Variants in ITGAV observed in about 807,000 individuals in gnomAD.
ITGAV encodes the protein integrin subunit alpha V, also known as integrin alpha-V.
Under a neutral mutation model 143.8 loss-of-function variants are expected in ITGAV, and 76 were observed. That is an observed-to-expected ratio of 0.53 (90% CI 0.44 to 0.64). The LOEUF (loss-of-function observed/expected upper bound fraction) is 0.64, where lower values mean the gene tolerates loss of function less well. Among genes scored for constraint, ITGAV ranks in the 30% least tolerant of loss-of-function variants. ITGAV has a pLI of 0.00. For missense variants in ITGAV, 1,193 were observed against 1,274.7 expected, an observed-to-expected ratio of 0.94 and a Z score of 0.98; for synonymous variants, 453 against 446.7, an observed-to-expected ratio of 1.01 and a Z score of -0.18.
chr2:186,667,917 A>T, intron 24 of ITGAV, 141 bp downstream of exon 24: 1 of 414,990 alleles, frequency 2.4e-6, no homozygotes, highest in East Asian at 3.5e-5. Flanking sequence ...GATTTCTTTG[A>T]ATATTTTCCC....
rs377681090 is a variant in ITGAV at position 186,620,250 on chromosome 2, T to C, written c.317-2089T>C. 5.5e-4 allele frequency among the ~76,000 whole-genome samples: 83 copies of C among 152,286 alleles called. 2 individuals are homozygous for C. Among genetic ancestry groups the C allele is most frequent in the South Asian group, 5.4e-3 (26 of 4,830 alleles). ...TTGTTCCTATGATTATCTCTTGTGT[T>C]AGAGAAATGTTCCCATAAGAGGCAG... is the stretch of plus-strand genomic sequence containing the variant. On this transcript the variant is annotated intron_variant, in intron 2 of 29. Coordinates refer to ENST00000261023, the MANE Select transcript of ITGAV (RefSeq NM_002210.5).
At chr2:186,634,427 C>T (rs1211195090) in intron 6 of ITGAV, among the ~76,000 whole-genome samples, 1 of 149,416 alleles carries the variant, frequency 6.7e-6, no homozygotes, top group Non-Finnish European at 1.5e-5. Context: ...ACTCTATTTT[C>T]TACACTATGC....
rs141592115 is a variant in ITGAV at position 186,657,851 on chromosome 2, G to A, written c.1720-1187G>A. Among the ~76,000 whole-genome samples the A allele has an allele frequency of 6.6e-4, 101 of 152,136 alleles. 1 individual carries two copies. In the East Asian group the frequency reaches 0.017, roughly 25 times the overall value. ...TCTAAACACTTAACAAATAGAATTG[G>A]CCATTAATCTTTACAAAACGACAAA... On this transcript the variant is annotated intron_variant, in intron 17 of 29. Coordinates refer to ENST00000261023, the MANE Select transcript of ITGAV (RefSeq NM_002210.5).
At chr2:186,607,080 C>T (rs1016406213) in intron 2 of ITGAV, among the ~76,000 whole-genome samples, 1 of 152,088 alleles carries the variant, frequency 6.6e-6, no homozygotes, top group Non-Finnish European at 1.5e-5. Context: ...AATCTAGCCT[C>T]TGTCATTTTT....
intron 2 of ITGAV, among the ~76,000 whole-genome samples, chr2:186,619,997 A>C (rs184081256): frequency 2.0e-5 from 3 of 152,266 alleles, no homozygotes; most frequent in Admixed American, 2.0e-4. Context: ...ATCTCAAAAA[A>C]AAAAGAAAAA....
At chr2:186,651,661 G>A (rs1688434818) in intron 14 of ITGAV, among the ~76,000 whole-genome samples, 1 of 151,998 alleles carries the variant, frequency 6.6e-6, no homozygotes, top group Non-Finnish European at 1.5e-5. Flanking sequence ...GTAGTGCAGC[G>A]AATTCGGTAG....
At position 186,592,891 on chromosome 2, in the gene ITGAV, G is replaced by A. The variant is rs142579679; in HGVS notation, c.185+2368G>A. Among the ~76,000 whole-genome samples, 32 of 152,026 alleles carry A rather than the reference G, an allele frequency of 2.1e-4. No individual in the cohort carries two copies. In the South Asian group the frequency reaches 2.9e-3, roughly 14 times the overall value. On this transcript the variant is annotated intron_variant, in intron 1 of 29. Coordinates refer to ENST00000261023, the MANE Select transcript of ITGAV (RefSeq NM_002210.5). ...TTTCTTTTTTCTTTTTAAACAAAAC[G>A]TATATAAACACAGGTTTTTACTTAC... is the stretch of plus-strand genomic sequence containing the variant.
Position 186,649,855 on chromosome 2 carries a change from C to T in ITGAV, c.1367C>T (p.Ala456Val), listed in dbSNP as rs200462398. The change falls in exon 14 of 30, where the codon GCT (alanine) becomes GTT (valine). Residue 456 changes from alanine to valine, a missense_variant. Coordinates refer to ENST00000261023, the MANE Select transcript of ITGAV (RefSeq NM_002210.5). Reference protein sequence around the residue: ...KNGYPDLIVGAFGVDRAILYR... With the variant: ...KNGYPDLIVGVFGVDRAILYR... ...CTTTCTTAAGACTTAATTGTAGGAG[C>T]TTTTGGTGTAGATCGAGCTATCTTA... The T allele has an allele frequency of 5.6e-6, 9 of 1,594,850 alleles. No homozygotes were observed. Among genetic ancestry groups the T allele is most frequent in the Non-Finnish European group, 7.7e-6 (9 of 1,169,926 alleles).
At chr2:186,649,936 C>T (rs759990693) in intron 14 of ITGAV, 51 bp downstream of exon 14, 8 of 1,210,564 alleles carry the variant, frequency 6.6e-6, no homozygotes, top group South Asian at 3.0e-5. Flanking sequence ...ATTATTTGAA[C>T]GTTTTTTAAT....
rs145695542 is a variant in ITGAV, at chr2:186,662,506, C to T, written c.1858-1262C>T. 2.1e-3 allele frequency among the ~76,000 whole-genome samples: 312 copies of T among 152,130 alleles called. 1 individual carries two copies. The highest frequency in any genetic ancestry group is 7.1e-3 in the African/African-American group (294 of 41,502). ...TTTTATTTAATTTTAATTAATTTAA[C>T]GTTAAAAGCTGATGCTTAATTCTCT... On this transcript the variant is annotated intron_variant, in intron 18 of 29. Transcript: ENST00000261023.
At chr2:186,640,758 CATT>C (rs997310910) in intron 10 of ITGAV, among the ~76,000 whole-genome samples, 154 bp from the exon 11 acceptor site, 26 of 152,102 alleles carry the variant, frequency 1.7e-4, no homozygotes, top group African/African-American at 6.3e-4. Flanking sequence ...ACCTGATTGT[CATT>C]GTGTTGGTAG....
At chr2:186,655,838 A>G (rs1356546055) in intron 16 of ITGAV, among the ~76,000 whole-genome samples, 2 of 152,204 alleles carry the variant, frequency 1.3e-5, no homozygotes, top group African/African-American at 2.4e-5. Context: ...ATATGATGGT[A>G]TGAGTACATA....
intron 2 of ITGAV, among the ~76,000 whole-genome samples, chr2:186,615,968 A>G (rs534786512): frequency 6.6e-6 from 1 of 151,092 alleles, no homozygotes; most frequent in Admixed American, 6.6e-5. Flanking sequence ...TTTTGAGTTA[A>G]TTTTCTGGTA....
chr2:186,669,837 G>A (rs1487424058), intron 26 of ITGAV, 23 bp downstream of exon 26: 1 of 1,449,932 alleles, frequency 6.9e-7, no homozygotes, highest in East Asian at 2.3e-5. Context: ...TCAAATATGT[G>A]CACCATAGAC....
Position 186,651,975 on chromosome 2 carries a change from C to T in ITGAV, c.1398-7C>T, listed in dbSNP as rs765256701. On this transcript the variant is annotated splice_region_variant and splice_polypyrimidine_tract_variant and intron_variant, in intron 14 of 29. Coordinates refer to ENST00000261023, the MANE Select transcript of ITGAV (RefSeq NM_002210.5). Reference sequence around the variant, plus strand: ...TTTACTTCATCTTCTTTTCCCTCCCCCGCTAGGGCCAGACCAGTTATCACT... The same window carrying T: ...TTTACTTCATCTTCTTTTCCCTCCCTCGCTAGGGCCAGACCAGTTATCACT... The T allele has an allele frequency of 4.5e-6, 7 of 1,548,808 alleles. No homozygotes were observed. The South Asian group carries it at 8.3e-5, about 18-fold the overall frequency.
rs555423293 is a variant in ITGAV, at chr2:186,632,773, TA to T, written c.586-549del. ...TAATATACAAAATTAAGAAGTGCCT[TA>T]AAAAAATTGTAACCTGATAATACTT... On this transcript the variant is annotated intron_variant, in intron 5 of 29. Coordinates refer to ENST00000261023, the MANE Select transcript of ITGAV (RefSeq NM_002210.5). 5.3e-5 allele frequency among the ~76,000 whole-genome samples: 8 copies of T among 152,198 alleles called. No individual in the cohort carries two copies. In the East Asian group the frequency reaches 1.2e-3, roughly 22 times the overall value.
chr2:186,638,295 C>A lies in ITGAV; in HGVS notation c.821C>A (p.Pro274Gln). The A allele has an allele frequency of 1.9e-6, 3 of 1,613,794 alleles. No individual in the cohort carries two copies. The highest frequency in any genetic ancestry group is 2.5e-6 in the Non-Finnish European group (3 of 1,179,852). ...GTTTCAGACTTTGTTTCAGGAGTTCCAAGAGCAGCAAGGACTTTGGGAATG... is the reference window on the plus strand; with the variant it reads ...GTTTCAGACTTTGTTTCAGGAGTTCAAAGAGCAGCAAGGACTTTGGGAATG... ...DGIDDFVSGV[P>Q]RAARTLGMVY... The change falls in exon 9 of 30, where the codon CCA becomes CAA. Residue 274 changes from proline to glutamine, a missense_variant. Physicochemically the swap from Pro to Gln is moderately conservative, Grantham distance 76. Coordinates refer to ENST00000261023, the MANE Select transcript of ITGAV (RefSeq NM_002210.5).
intron 26 of ITGAV, among the ~76,000 whole-genome samples, chr2:186,671,214 C>T (rs1224487139): frequency 6.6e-6 from 1 of 152,106 alleles, no homozygotes; most frequent in Non-Finnish European, 1.5e-5. Flanking sequence ...AAATATAGGT[C>T]AGGTTGTGTC....
chr2:186,640,759 A>G (rs3816375), intron 10 of ITGAV, among the ~76,000 whole-genome samples, 156 bp from the exon 11 acceptor site: 63,870 of 151,996 alleles, frequency 0.42, 13,789 homozygotes, highest in East Asian at 0.77. Context: ...CCTGATTGTC[A>G]TTGTGTTGGT....
Sources: allele counts gnomAD v4.1 joint callset (sites outside exome capture counted in the v4.1 genomes callset), GRCh38; gene constraint gnomAD v4.1.1; transcripts MANE v1.5; gene names NCBI Gene and HGNC (gene_info 2026-07-23, HGNC 2026-07-21).